Variants in PRICKLE2 observed in about 807,000 individuals in gnomAD.
The protein encoded by PRICKLE2 is prickle planar cell polarity protein 2.
In PRICKLE2, 21 loss-of-function variants were observed where a neutral mutation model predicts 81.4. That is an observed-to-expected ratio of 0.26 (90% CI 0.18 to 0.37). The LOEUF (loss-of-function observed/expected upper bound fraction) is 0.37, where lower values mean the gene tolerates loss of function less well. Among genes scored for constraint, PRICKLE2 ranks in the 10% least tolerant of loss-of-function variants. PRICKLE2 has a pLI of 1.00. For synonymous variants in PRICKLE2, 456 were observed against 421.5 expected (o/e 1.08, Z -1.00); for missense variants, 940 against 1,109.0 (o/e 0.85, Z 2.16).
chr3:64,167,327 T>G (rs1451734736), intron 2 of PRICKLE2, among the ~76,000 whole-genome samples: 1 of 152,244 alleles, frequency 6.6e-6, no homozygotes, highest in Non-Finnish European at 1.5e-5. Flanking sequence ...GCACGTCTGT[T>G]GAATGTGCTA....
chr3:64,108,287 G>A (rs754620195), intron 7 of PRICKLE2, among the ~76,000 whole-genome samples: 7 of 152,176 alleles, frequency 4.6e-5, no homozygotes, highest in East Asian at 1.9e-4. Context: ...CTCTCAGACC[G>A]TGCAAAAAGT....
At chr3:64,131,883 G>A (rs926584448) in intron 7 of PRICKLE2, among the ~76,000 whole-genome samples, 3 of 152,086 alleles carry the variant, frequency 2.0e-5, no homozygotes, top group Non-Finnish European at 4.4e-5. Context: ...AAAAAAAGGG[G>A]ACCAGGGCAG....
intron 7 of PRICKLE2, chr3:64,101,371 G>C (rs143040308): frequency 5.3e-5 from 8 of 152,154 alleles, no homozygotes; most frequent in African/African-American, 1.2e-4. Flanking sequence ...AGGAATCCAG[G>C]CTCTTTAGAA....
At chr3:64,224,808 A>C (rs1282485462) in intron 1 of PRICKLE2, 102 bp downstream of exon 1, 2 of 660,808 alleles carry the variant, frequency 3.0e-6, no homozygotes, top group Non-Finnish European at 3.8e-6. Context: ...ACGAAGACCC[A>C]ATATCCTCCC....
At chr3:64,144,365 TCA>T (rs1388637563) in intron 7 of PRICKLE2, among the ~76,000 whole-genome samples, 1 of 152,210 alleles carries the variant, frequency 6.6e-6, no homozygotes, top group African/African-American at 2.4e-5. Context: ...TATTCCTCCC[TCA>T]CAGTGTTATG....
At chr3:64,100,714 G>C (rs192680770) in intron 7 of PRICKLE2, 1 of 152,340 alleles carries the variant, frequency 6.6e-6, no homozygotes, top group East Asian at 1.9e-4. Context: ...CTTAACTGCT[G>C]TCAAATGAGC....
chr3:64,155,569 C>T (rs2077621323), intron 5 of PRICKLE2, among the ~76,000 whole-genome samples: 1 of 152,100 alleles, frequency 6.6e-6, no homozygotes, highest in African/African-American at 2.4e-5. Context: ...AATATATGTA[C>T]ACACAGAAAT....
At chr3:64,215,395 T>C (rs928893869) in intron 1 of PRICKLE2, among the ~76,000 whole-genome samples, 1 of 152,186 alleles carries the variant, frequency 6.6e-6, no homozygotes, top group Non-Finnish European at 1.5e-5. Flanking sequence ...AAGACATCTT[T>C]TCCTTAACAT....
intron 2 of PRICKLE2, among the ~76,000 whole-genome samples, chr3:64,170,658 G>A (rs539982676): frequency 2.7e-5 from 4 of 149,780 alleles, no homozygotes; most frequent in South Asian, 4.2e-4. Context: ...CCAGGAGTTC[G>A]AGACTGGCCT....
At position 64,097,785 on chromosome 3, in the gene PRICKLE2, A is replaced by AT. The variant is rs1195946570; in HGVS notation, c.*1265_*1266insA. ...TTCTACAATCTCTGGGAGCTCTTCG[A>AT]GGTGGTTGTCACCTGTCCTCTGTTT... is the stretch of plus-strand genomic sequence containing the variant. On this transcript the variant is annotated 3_prime_UTR_variant, in exon 8 of 8. Transcript: ENST00000638394. The AT allele has an allele frequency of 6.6e-6, 1 of 152,614 alleles. No homozygotes were observed. The highest frequency in any genetic ancestry group is 1.5e-5 in the Non-Finnish European group (1 of 68,064). The allele number at this position is 152,614 out of a possible 1,614,324, so 9.5% of individuals were successfully genotyped here.
chr3:64,167,631 C>G lies in PRICKLE2; in HGVS notation c.145-4502G>C, dbSNP rs534217088. ...ATGAGGCTTGTTGGAAGGAACTGCACGTTTGATAGCATTTCTGCCTGGGCA... is the reference window on the plus strand; with the variant it reads ...ATGAGGCTTGTTGGAAGGAACTGCAGGTTTGATAGCATTTCTGCCTGGGCA... On this transcript the variant is annotated intron_variant, in intron 2 of 7. Coordinates refer to ENST00000638394, the MANE Select transcript of PRICKLE2 (RefSeq NM_198859.4). Among the ~76,000 whole-genome samples, 10 of 152,206 alleles carry G rather than the reference C, an allele frequency of 6.6e-5. No individual in the cohort carries two copies. The South Asian group carries it at 2.1e-3, about 32-fold the overall frequency.
intron 7 of PRICKLE2, among the ~76,000 whole-genome samples, chr3:64,123,988 G>A (rs373776478): frequency 3.3e-5 from 5 of 152,190 alleles, no homozygotes; most frequent in East Asian, 3.8e-4. Flanking sequence ...AGGAAGACAC[G>A]TTGAAAGTCA....
intron 2 of PRICKLE2, among the ~76,000 whole-genome samples, chr3:64,245,817 A>G (rs1408825676): frequency 6.6e-6 from 1 of 152,200 alleles, no homozygotes; most frequent in Non-Finnish European, 1.5e-5. Flanking sequence ...CAGGAGTGAA[A>G]GGACCAGGTG....
intron 1 of PRICKLE2, among the ~76,000 whole-genome samples, chr3:64,217,742 A>T (rs2078894402): frequency 6.6e-6 from 1 of 152,178 alleles, no homozygotes; most frequent in Admixed American, 6.5e-5. Flanking sequence ...CTGGACAGAA[A>T]AAAACGTGTC....
intron 1 of PRICKLE2, among the ~76,000 whole-genome samples, chr3:64,207,225 A>C (rs537135316): frequency 1.1e-4 from 17 of 152,214 alleles, no homozygotes; most frequent in Non-Finnish European, 2.5e-4. Flanking sequence ...ATAAGAAAAA[A>C]AGAGGAAAAC....
intron 5 of PRICKLE2, among the ~76,000 whole-genome samples, chr3:64,155,982 G>A (rs1200458795): frequency 6.6e-6 from 1 of 152,150 alleles, no homozygotes; most frequent in Non-Finnish European, 1.5e-5. Flanking sequence ...AAAATCCACT[G>A]AATTATTTAC....
upstream of PRICKLE2, among the ~76,000 whole-genome samples, chr3:64,230,102 G>T (rs2079081020): frequency 6.6e-6 from 1 of 152,106 alleles, no homozygotes; most frequent in Admixed American, 6.6e-5. Context: ...AGGCTTTTAG[G>T]TGCCTCAGCC....
intron 1 of PRICKLE2, among the ~76,000 whole-genome samples, chr3:64,205,381 C>G (rs1349680938): frequency 1.3e-5 from 2 of 152,206 alleles, no homozygotes; most frequent in Non-Finnish European, 2.9e-5. Flanking sequence ...CTTTAACTAT[C>G]TCCAAGTAGC....
intron 1 of PRICKLE2, among the ~76,000 whole-genome samples, chr3:64,220,533 C>T (rs1416306200): frequency 6.6e-6 from 1 of 152,166 alleles, no homozygotes; most frequent in Non-Finnish European, 1.5e-5. Flanking sequence ...CAGGATACAG[C>T]ACTCAAACAC....
Sources: allele counts gnomAD v4.1 joint callset (sites outside exome capture counted in the v4.1 genomes callset), GRCh38; gene constraint gnomAD v4.1.1; transcripts MANE v1.5; gene names NCBI Gene and HGNC (gene_info 2026-07-23, HGNC 2026-07-21).